Variants in PLEKHD1 observed in about 807,000 individuals in gnomAD.
PLEKHD1 encodes pleckstrin homology and coiled-coil domain containing D1.
Under a neutral mutation model 69.2 loss-of-function variants are expected in PLEKHD1, and 51 were observed. That is an observed-to-expected ratio of 0.74 (90% CI 0.59 to 0.93). The LOEUF (loss-of-function observed/expected upper bound fraction) is 0.93, where lower values mean the gene tolerates loss of function less well. Ranked by LOEUF, PLEKHD1 falls within the 40% of genes least tolerant of loss-of-function variation. The probability of loss-of-function intolerance (pLI) is 0.00; values close to 1 mark genes in which losing one functional copy is unlikely to be tolerated. For synonymous variants in PLEKHD1, 236 were observed against 244.7 expected, an observed-to-expected ratio of 0.96 and a Z score of 0.33; for missense variants, 584 against 641.0, an observed-to-expected ratio of 0.91 and a Z score of 0.96.
intron 6 of PLEKHD1, among the ~76,000 whole-genome samples, chr14:69,511,167 T>C (rs1354424116): frequency 1.3e-5 from 2 of 152,178 alleles, no homozygotes; most frequent in Non-Finnish European, 2.9e-5. Flanking sequence ...TTGTTGTTTG[T>C]TTGTTTTGAA....
intron 6 of PLEKHD1, among the ~76,000 whole-genome samples, chr14:69,519,029 G>C (rs1290647168): frequency 2.6e-5 from 4 of 152,074 alleles, no homozygotes; most frequent in African/African-American, 9.7e-5. Flanking sequence ...GAGACAGAGA[G>C]AAAGGCCCAG....
In PLEKHD1 at chr14:69,504,891, G is replaced by C. The variant is rs1038782470; in HGVS notation, c.555+2012G>C. 1.6e-4 allele frequency among the ~76,000 whole-genome samples: 24 copies of C among 152,288 alleles called. No individual in the cohort carries two copies. The East Asian group carries it at 2.5e-3, about 16-fold the overall frequency. ...CACAATTCTATACATTTCAAGCAAG[G>C]CTTCTGTATTGTCAGCAAATTAAAA... On this transcript the variant is annotated intron_variant, in intron 6 of 12. Transcript: ENST00000322564.
chr14:69,475,885 C>A, the PLEKHD1 span, among the ~76,000 whole-genome samples: 12 of 152,162 alleles, frequency 7.9e-5, no homozygotes, highest in Non-Finnish European at 1.6e-4. Context: ...GTAGAGGAGC[C>A]CAAGGCCCAT....
intron 9 of PLEKHD1, 77 bp downstream of exon 9, chr14:69,526,199 C>T (rs1883644906): frequency 7.0e-7 from 1 of 1,432,270 alleles, no homozygotes; most frequent in Non-Finnish European, 9.3e-7. Flanking sequence ...CATCCAGACT[C>T]TTGGGTTCTA....
intron 7 of PLEKHD1, among the ~76,000 whole-genome samples, chr14:69,523,500 T>C (rs1883567870): frequency 6.6e-6 from 1 of 152,154 alleles, no homozygotes; most frequent in African/African-American, 2.4e-5. Context: ...TTCCAGAATG[T>C]TGCCAGGTAT....
At chr14:69,513,433 G>A (rs2139518804) in intron 6 of PLEKHD1, among the ~76,000 whole-genome samples, 1 of 152,262 alleles carries the variant, frequency 6.6e-6, no homozygotes, top group Non-Finnish European at 1.5e-5. Context: ...TACAGAAGCA[G>A]CAAGATTGGT....
rs989880771 is a variant in PLEKHD1, at chr14:69,501,071, C to G, written c.410+124C>G. 2.9e-6 allele frequency: 3 copies of G among 1,032,402 alleles called. No homozygotes were observed. In the Admixed American group the frequency reaches 6.0e-5, roughly 21 times the overall value. The allele number at this position is 1,032,402 out of a possible 1,614,324, so 64.0% of individuals were successfully genotyped here. ...ACAGGGCCAGGGCTGTGGGAGATGG[C>G]TAGGGTAGGGGAGAGCAGACAGGCC... is the stretch of plus-strand genomic sequence containing the variant. On this transcript the variant is annotated intron_variant, in intron 4 of 12. Transcript: ENST00000322564.
At chr14:69,468,510 C>G in the PLEKHD1 span, among the ~76,000 whole-genome samples, 1 of 152,198 alleles carries the variant, frequency 6.6e-6, no homozygotes, top group South Asian at 2.1e-4. Context: ...AGTGCTTTCA[C>G]ATTTGTCGAC....
the PLEKHD1 span, among the ~76,000 whole-genome samples, chr14:69,471,607 T>A: frequency 2.0e-5 from 3 of 152,002 alleles, no homozygotes; most frequent in African/African-American, 7.3e-5. Flanking sequence ...ATAGGGATGG[T>A]TTTCTCATTC....
chr14:69,474,684 A>C, the PLEKHD1 span, among the ~76,000 whole-genome samples: 25,844 of 152,140 alleles, frequency 0.17, 2,362 homozygotes, highest in South Asian at 0.24. Context: ...CCCTGCAATA[A>C]ATGCCTCACT....
chr14:69,527,535 G>A (rs1883684247), intron 11 of PLEKHD1, among the ~76,000 whole-genome samples: 1 of 152,264 alleles, frequency 6.6e-6, no homozygotes, highest in African/African-American at 2.4e-5. Context: ...TGTGGTGAGA[G>A]GAAAGCCAGG....
chr14:69,472,471 A>T, the PLEKHD1 span, among the ~76,000 whole-genome samples: 1 of 152,112 alleles, frequency 6.6e-6, no homozygotes, highest in Non-Finnish European at 1.5e-5. Context: ...ATGCTGCTCT[A>T]TTTCTTTTTC....
chr14:69,515,448 T>C (rs1238683053), intron 6 of PLEKHD1, among the ~76,000 whole-genome samples: 1 of 152,196 alleles, frequency 6.6e-6, no homozygotes, highest in African/African-American at 2.4e-5. Context: ...CTGCTGGTAG[T>C]TTCTGCCTCA....
chr14:69,500,027 T>C (rs1882987164), intron 1 of PLEKHD1, 88 bp from the exon 2 acceptor site: 2 of 875,480 alleles, frequency 2.3e-6, no homozygotes. Flanking sequence ...CCCATGTGAG[T>C]CCAGGGCCCC....
chr14:69,508,405 CAAAAAAA>C (rs377539792), intron 6 of PLEKHD1, among the ~76,000 whole-genome samples: 1 of 130,174 alleles, frequency 7.7e-6, no homozygotes, highest in African/African-American at 2.8e-5. Flanking sequence ...GACTCCATCT[CAAAAAAA>C]AAAAACAAAA....
At chr14:69,477,638 G>A in the PLEKHD1 span, among the ~76,000 whole-genome samples, 2 of 152,202 alleles carry the variant, frequency 1.3e-5, no homozygotes, top group African/African-American at 4.8e-5. Context: ...GGAGAAATTG[G>A]CCAAAACAAA....
chr14:69,469,130 C>G, the PLEKHD1 span, among the ~76,000 whole-genome samples: 1 of 152,080 alleles, frequency 6.6e-6, no homozygotes, highest in African/African-American at 2.4e-5. Context: ...TGCACCAGCT[C>G]GGTCCTCTTC....
chr14:69,484,493 G>C (rs954504886), upstream of PLEKHD1, among the ~76,000 whole-genome samples: 4 of 152,106 alleles, frequency 2.6e-5, no homozygotes, highest in Non-Finnish European at 4.4e-5. Context: ...GGACGGGGAC[G>C]CGCTGCGGCC....
chr14:69,471,132 G>A, the PLEKHD1 span, among the ~76,000 whole-genome samples: 1,508 of 106,306 alleles, frequency 0.014, 11 homozygotes, highest in Non-Finnish European at 0.022. Flanking sequence ...TTTGAGACAG[G>A]GTCTTGCTCT....
Sources: allele counts gnomAD v4.1 joint callset (sites outside exome capture counted in the v4.1 genomes callset), GRCh38; gene constraint gnomAD v4.1.1; transcripts MANE v1.5; gene names NCBI Gene and HGNC (gene_info 2026-07-23, HGNC 2026-07-21).